The following FYN variants were observed in gnomAD, a reference collection of about 807,000 sequenced individuals.
FYN encodes the protein FYN proto-oncogene, Src family tyrosine kinase, also known as tyrosine-protein kinase Fyn.
FYN carries 10 observed loss-of-function variants against 70.2 expected under a neutral mutation model. The ratio of observed to expected loss-of-function variants is 0.14; its 90% CI spans 0.09 to 0.24. The LOEUF (loss-of-function observed/expected upper bound fraction) is 0.24, where lower values mean the gene tolerates loss of function less well. Ranked by LOEUF, FYN falls within the 10% of genes least tolerant of loss-of-function variation. FYN has a pLI of 1.00. For synonymous variants in FYN, 236 were observed against 248.6 expected, an observed-to-expected ratio of 0.95 and a Z score of 0.48; for missense variants, 319 against 673.1, an observed-to-expected ratio of 0.47 and a Z score of 5.82.
At chr6:111,698,963 A>T (rs1799702421) in intron 9 of FYN, among the ~76,000 whole-genome samples, 1 of 152,074 alleles carries the variant, frequency 6.6e-6, no homozygotes, top group Non-Finnish European at 1.5e-5. Flanking sequence ...GGCACCTGTA[A>T]TCCCAGCTAC....
chr6:111,798,211 A>C (rs1034128940), intron 2 of FYN: 4 of 152,232 alleles, frequency 2.6e-5, no homozygotes, highest in Non-Finnish European at 5.9e-5. Context: ...TAAATCAAAG[A>C]GAAAGTATAC....
chr6:111,685,249 G>A lies in FYN; in HGVS notation c.1273+9126C>T, dbSNP rs367638912. ...AATCCAGCCACCCCCAGAAGGGGCAGAGGGCCCGTGTCAGTCTGACTTCAT... is the reference window on the plus strand; with the variant it reads ...AATCCAGCCACCCCCAGAAGGGGCAAAGGGCCCGTGTCAGTCTGACTTCAT... On this transcript the variant is annotated intron_variant, in intron 12 of 13. Transcript: ENST00000354650. Among the ~76,000 whole-genome samples, 377 of 152,332 alleles carry A rather than the reference G, an allele frequency of 2.5e-3. 5 individuals carry two copies. Among genetic ancestry groups the A allele is most frequent in the African/African-American group, 8.6e-3 (358 of 41,570 alleles).
chr6:111,826,174 G>A (rs1336538968), intron 2 of FYN, among the ~76,000 whole-genome samples: 1 of 152,084 alleles, frequency 6.6e-6, no homozygotes, highest in Non-Finnish European at 1.5e-5. Context: ...GGATTTCTGT[G>A]AGTTGCTAGC....
intron 3 of FYN, among the ~76,000 whole-genome samples, chr6:111,779,720 A>C (rs757947555): frequency 8.5e-5 from 13 of 152,142 alleles, no homozygotes; most frequent in Non-Finnish European, 1.8e-4. Context: ...CATCAAATGG[A>C]TGTAACCGGC....
chr6:111,698,683 T>C (rs1266111434), intron 9 of FYN, among the ~76,000 whole-genome samples: 2 of 152,198 alleles, frequency 1.3e-5, no homozygotes, highest in Non-Finnish European at 2.9e-5. Context: ...GCCAGCCTTA[T>C]CAATGACAAT....
At chr6:111,671,895 T>C (rs1798291218) in intron 13 of FYN, among the ~76,000 whole-genome samples, 1 of 152,156 alleles carries the variant, frequency 6.6e-6, no homozygotes. Flanking sequence ...CAAGAAGAGT[T>C]TTCTGTTGGA....
chr6:111,692,695 T>C (rs951658277), intron 12 of FYN, among the ~76,000 whole-genome samples: 1 of 152,242 alleles, frequency 6.6e-6, no homozygotes, highest in African/African-American at 2.4e-5. Flanking sequence ...GGCTCTATTC[T>C]AGCCCTTTCC....
chr6:111,783,913 T>G (rs905482362), intron 2 of FYN, among the ~76,000 whole-genome samples: 1 of 152,208 alleles, frequency 6.6e-6, no homozygotes, highest in Non-Finnish European at 1.5e-5. Context: ...AGAATTGATT[T>G]TGAAAGTTTC....
intron 2 of FYN, among the ~76,000 whole-genome samples, chr6:111,804,443 A>G (rs1276219356): frequency 6.6e-6 from 1 of 152,200 alleles, no homozygotes. Context: ...CCTGTTCCAC[A>G]CAGGAATAGG....
chr6:111,836,447 C>CCAA (rs60069708), intron 2 of FYN, among the ~76,000 whole-genome samples: 7,504 of 151,790 alleles, frequency 0.049, 307 homozygotes, highest in East Asian at 0.14. Flanking sequence ...AATTATATTT[C>CCAA]CAACAACAAC....
chr6:111,693,905 T>C (rs1373657381), intron 12 of FYN, among the ~76,000 whole-genome samples: 3 of 152,178 alleles, frequency 2.0e-5, no homozygotes, highest in Non-Finnish European at 4.4e-5. Flanking sequence ...TCTGACTTCT[T>C]GTGCCCACTT....
At chr6:111,773,350 G>C (rs1464416314) in intron 3 of FYN, among the ~76,000 whole-genome samples, 1 of 44,174 alleles carries the variant, frequency 2.3e-5, no homozygotes, top group Non-Finnish European at 4.1e-5. Flanking sequence ...GAGAGGGAGA[G>C]GGAAAGGGAG....
At chr6:111,760,447 A>T (rs1029223690) in intron 3 of FYN, among the ~76,000 whole-genome samples, 6 of 152,224 alleles carry the variant, frequency 3.9e-5, no homozygotes, top group African/African-American at 1.4e-4. Context: ...GGGACCGACA[A>T]GAGGACAGAA....
intron 6 of FYN, among the ~76,000 whole-genome samples, chr6:111,704,552 G>A (rs920215932): frequency 3.3e-5 from 5 of 152,008 alleles, no homozygotes; most frequent in African/African-American, 1.2e-4. Context: ...TCAGGAGTTT[G>A]AGATCAGCCT....
chr6:111,712,904 T>C (rs541144021), intron 5 of FYN, among the ~76,000 whole-genome samples: 81 of 152,316 alleles, frequency 5.3e-4, no homozygotes, highest in African/African-American at 1.9e-3. Flanking sequence ...TTTATCATTT[T>C]AATCATTTTT....
chr6:111,800,032 T>C (rs1771935642), intron 2 of FYN, among the ~76,000 whole-genome samples: 1 of 152,218 alleles, frequency 6.6e-6, no homozygotes, highest in African/African-American at 2.4e-5. Context: ...GTAGTTGCTG[T>C]ACTTTTAAAA....
At chr6:111,799,873 C>T (rs931420995) in intron 2 of FYN, among the ~76,000 whole-genome samples, 40 of 152,300 alleles carry the variant, frequency 2.6e-4, no homozygotes, top group Admixed American at 2.2e-3. Context: ...CCTGTGGAAA[C>T]GTGCAGGGAA....
intron 3 of FYN, among the ~76,000 whole-genome samples, chr6:111,764,256 G>GA (rs1421283732): frequency 1.1e-5 from 1 of 90,840 alleles, no homozygotes; most frequent in African/African-American, 4.7e-5. Context: ...AAGAAAGAAA[G>GA]AAAAAAGAAA....
intron 13 of FYN, 49 bp downstream of exon 13, chr6:111,674,450 C>A: frequency 6.4e-7 from 1 of 1,562,568 alleles, no homozygotes; most frequent in South Asian, 1.2e-5. Context: ...CAAATGGTGT[C>A]AAAAAAGCCT....
Sources: gnomAD v4.1 joint callset for allele counts (sites outside exome capture counted in the v4.1 genomes callset) on GRCh38, gnomAD v4.1.1 for gene constraint, MANE v1.5 for transcripts, NCBI Gene and HGNC (gene_info 2026-07-23, HGNC 2026-07-21) for gene names.